The following SCML1 variants were observed in gnomAD, a reference collection of about 807,000 sequenced individuals.
SCML1 encodes the protein Scm polycomb group protein like 1, also known as sex comb on midleg-like protein 1.
For synonymous variants in SCML1, 104 were observed against 103.6 expected (o/e 1.00, Z -0.02); for missense variants, 137 against 258.1 (o/e 0.53, Z 3.22).
intron 1 of SCML1, among the ~76,000 whole-genome samples, chrX:17,741,243 G>A (rs1389961972): frequency 8.9e-6 from 1 of 111,757 alleles, no homozygotes; most frequent in Admixed American, 9.4e-5. Context: ...CGCATGTGCA[G>A]TTCACAATAG....
Position 17,753,958 on chromosome X carries a change from TA to T in SCML1, c.*572del, listed in dbSNP as rs1321192443. On this transcript the variant is annotated 3_prime_UTR_variant, in exon 8 of 8. Coordinates refer to ENST00000380041, the MANE Select transcript of SCML1 (RefSeq NM_001037540.3). ...ATGTTTTATTTATTCAGATTTAGAGTAAAAAATAAGCATATAAACTTTTATT... is the reference window on the plus strand; with the variant it reads ...ATGTTTTATTTATTCAGATTTAGAGTAAAAATAAGCATATAAACTTTTATT... The T allele has an allele frequency of 1.8e-5, 2 of 112,305 alleles. No homozygotes were observed. The highest frequency in any genetic ancestry group is 3.8e-5 in the Non-Finnish European group (2 of 53,208). 9.3% of individuals were successfully genotyped at this position (112,305 alleles called of 1,213,427 possible).
At chrX:17,742,350 A>G (rs1226049997) in intron 1 of SCML1, among the ~76,000 whole-genome samples, 1 of 112,359 alleles carries the variant, frequency 8.9e-6, no homozygotes, top group Non-Finnish European at 1.9e-5. Context: ...AACAATTTCT[A>G]AATAAAACAC....
intron 1 of SCML1, among the ~76,000 whole-genome samples, chrX:17,738,395 G>T (rs1206289945): frequency 1.8e-5 from 2 of 112,089 alleles, no homozygotes; most frequent in Admixed American, 9.4e-5. Context: ...GCTTCAGGTT[G>T]ACTAAAAGAT....
At chrX:17,750,323 G>A (rs1249821321) in intron 6 of SCML1, 30 bp downstream of exon 6, 4 of 1,170,651 alleles carry the variant, frequency 3.4e-6, no homozygotes, top group Non-Finnish European at 4.6e-6. Flanking sequence ...GCCCAATTTG[G>A]TACATGCCCC....
chrX:17,739,712 G>A (rs1173313673), intron 1 of SCML1, among the ~76,000 whole-genome samples: 1 of 108,562 alleles, frequency 9.2e-6, no homozygotes. Context: ...AACTGGGCAT[G>A]GTGGTGCAAG....
chrX:17,752,341 A>G (rs1250021240), intron 7 of SCML1, among the ~76,000 whole-genome samples: 2 of 112,185 alleles, frequency 1.8e-5, no homozygotes, highest in Non-Finnish European at 3.8e-5. Flanking sequence ...CCTTCGTTTT[A>G]TATAACCAGT....
In SCML1 at chrX:17,753,391, GA is replaced by G; in HGVS notation, c.*5del. 2 of 1,119,731 alleles carry G rather than the reference GA, an allele frequency of 1.8e-6. No homozygotes were observed. The highest frequency in any genetic ancestry group is 1.2e-6 in the Non-Finnish European group (1 of 845,787). 92.3% of individuals were successfully genotyped at this position (1,119,731 alleles called of 1,213,427 possible). A position where few individuals can be genotyped will look rare whatever the true frequency, so the allele number is the denominator to read the frequency against. ...AAACAAGGAAAATGCTTTGAAAATT[GA>G]AAAAATCCTTGTGCAAATTTAGATT... is the stretch of plus-strand genomic sequence containing the variant. Reference protein sequence around the residue: ...RLKQGKCFEN* With the variant: ...RLKQGKCFENX On this transcript the variant is annotated frameshift_variant and stop_lost, in exon 8 of 8. Transcript: ENST00000380041. LOFTEE classifies it high-confidence loss of function.
chrX:17,751,983 T>C lies in SCML1; in HGVS notation c.855+17T>C, dbSNP rs747111496. On this transcript the variant is annotated intron_variant, in intron 7 of 7. Coordinates refer to ENST00000380041, the MANE Select transcript of SCML1 (RefSeq NM_001037540.3). ...AGAAGCCATGTAATGTATCTTTTGA[T>C]CCTGTTTTCCTGCTGTAATGCCTTT... is the stretch of plus-strand genomic sequence containing the variant. The C allele has an allele frequency of 2.8e-5, 34 of 1,199,245 alleles. No homozygotes were observed. The highest frequency in any genetic ancestry group is 3.8e-5 in the Non-Finnish European group (34 of 887,620).
chrX:17,752,051 T>G, intron 7 of SCML1, 85 bp downstream of exon 7: 1 of 983,607 alleles, frequency 1.0e-6, no homozygotes. Context: ...ACTGTGTGAA[T>G]GGTGGGAGAA....
chrX:17,750,814 T>G lies in SCML1; in HGVS notation c.703+521T>G, dbSNP rs755494602. On this transcript the variant is annotated intron_variant, in intron 6 of 7. Transcript: ENST00000380041. Reference sequence around the variant, plus strand: ...GAAGAAAGGGTATGTTTTTGGCTAATTCACACACACAAAAAGATCAAATTG... The same window carrying G: ...GAAGAAAGGGTATGTTTTTGGCTAAGTCACACACACAAAAAGATCAAATTG... Among the ~76,000 whole-genome samples, 3 of 112,946 alleles carry G rather than the reference T, an allele frequency of 2.7e-5. 1 individual carries two copies. In the South Asian group the frequency reaches 1.1e-3, roughly 41 times the overall value.
chrX:17,739,297 CTG>C (rs1302295713), intron 1 of SCML1, among the ~76,000 whole-genome samples: 1 of 111,816 alleles, frequency 8.9e-6, no homozygotes, highest in Non-Finnish European at 1.9e-5. Flanking sequence ...TGGTTGGGCT[CTG>C]AGAAAATGTT....
At chrX:17,752,903 C>T (rs1056163833) in intron 7 of SCML1, among the ~76,000 whole-genome samples, 5 of 111,301 alleles carry the variant, frequency 4.5e-5, no homozygotes, top group African/African-American at 1.3e-4. Context: ...AGTTAATGAA[C>T]ATCTGAAATT....
chrX:17,748,505 C>T (rs1436743677), intron 4 of SCML1, among the ~76,000 whole-genome samples: 1 of 111,893 alleles, frequency 8.9e-6, no homozygotes, highest in African/African-American at 3.3e-5. Context: ...CGCACCCGGC[C>T]AGGAGCTTTT....
At chrX:17,743,361 C>A (rs2147166944) in intron 1 of SCML1, among the ~76,000 whole-genome samples, 1 of 111,627 alleles carries the variant, frequency 9.0e-6, no homozygotes, top group African/African-American at 3.3e-5. Context: ...GTAGCTCTTT[C>A]ATTAACGTAC....
chrX:17,751,998 G>A (rs767049231), intron 7 of SCML1, 32 bp downstream of exon 7: 2 of 1,190,583 alleles, frequency 1.7e-6, no homozygotes, highest in South Asian at 1.8e-5. Flanking sequence ...TTTTCCTGCT[G>A]TAATGCCTTT....
intron 1 of SCML1, among the ~76,000 whole-genome samples, chrX:17,739,302 A>G (rs2066570873): frequency 8.9e-6 from 1 of 112,235 alleles, no homozygotes; most frequent in Admixed American, 9.4e-5. Context: ...GGGCTCTGAG[A>G]AAATGTTGTA....
chrX:17,754,692 T>C lies in SCML1; in HGVS notation c.*1300T>C, dbSNP rs2066745989. On this transcript the variant is annotated 3_prime_UTR_variant, in exon 8 of 8. Transcript: ENST00000380041. ...TTACGAGCTATGAGAATTGGTGCTA[T>C]CACCATTAGCTATTTGCTGTAATGT... 1 of 113,045 alleles carries C rather than the reference T, an allele frequency of 8.8e-6. No homozygotes were observed. The highest frequency in any genetic ancestry group is 1.9e-5 in the Non-Finnish European group (1 of 53,365). 9.3% of individuals were successfully genotyped at this position (113,045 alleles called of 1,213,427 possible). A position where few individuals can be genotyped will look rare whatever the true frequency, so the allele number is the denominator to read the frequency against.
At chrX:17,739,916 T>A (rs1385943532) in intron 1 of SCML1, among the ~76,000 whole-genome samples, 1 of 108,426 alleles carries the variant, frequency 9.2e-6, no homozygotes, top group Non-Finnish European at 1.9e-5. Context: ...TCATTTTAAG[T>A]AAACTCATTT....
chrX:17,744,261 G>A, intron 2 of SCML1, 42 bp downstream of exon 2: 1 of 1,038,630 alleles, frequency 9.6e-7, no homozygotes, highest in Middle Eastern at 2.5e-4. Context: ...TCTTTTTACT[G>A]TGCTATACTT....
Sources: allele counts gnomAD v4.1 joint callset (sites outside exome capture counted in the v4.1 genomes callset), GRCh38; gene constraint gnomAD v4.1.1; transcripts MANE v1.5; gene names NCBI Gene and HGNC (gene_info 2026-07-23, HGNC 2026-07-21).